Variants in XXYLT1 observed in about 807,000 individuals in gnomAD.
The protein encoded by XXYLT1 is xyloside xylosyltransferase 1, also known as UDP-xylose:alpha-xyloside alpha-1,3-xylosyltransferase.
In XXYLT1, 20 loss-of-function variants were observed where a neutral mutation model predicts 28.9. The ratio of observed to expected loss-of-function variants is 0.69; its 90% confidence interval spans 0.49 to 1.00. The LOEUF (loss-of-function observed/expected upper bound fraction) is 1.00. Among genes scored for constraint, XXYLT1 ranks in the 50% least tolerant of loss-of-function variants. The pLI, the probability that XXYLT1 is intolerant of heterozygous loss-of-function variation, is 0.00. For missense variants in XXYLT1, 542 were observed against 560.1 expected, an observed-to-expected ratio of 0.97 and a Z score of 0.33; for synonymous variants, 257 against 253.8, an observed-to-expected ratio of 1.01 and a Z score of -0.12.
rs1725451557 is a variant in XXYLT1 at position 195,255,669 on chromosome 3, G to A, written c.504+14886C>T. 6.6e-6 allele frequency among the ~76,000 whole-genome samples: 1 copy of A among 152,190 alleles called. No individual in the cohort carries two copies. The highest frequency in any genetic ancestry group is 1.5e-5 in the Non-Finnish European group (1 of 68,042). On this transcript the variant is annotated intron_variant, in intron 1 of 3. Coordinates refer to ENST00000310380, the MANE Select transcript of XXYLT1 (RefSeq NM_152531.5). This position sits in a 1 kb window ranked among gnomAD's most constrained non-coding sequence, Gnocchi z 4.5. Reference sequence around the variant, plus strand: ...TTCCGAACACAAGGGAAGGCAGGCAGGGAGACCATGAGTGCAGGGAACCAG... The same window carrying A: ...TTCCGAACACAAGGGAAGGCAGGCAAGGAGACCATGAGTGCAGGGAACCAG...
In XXYLT1 at chr3:195,176,892, T is replaced by C. The variant is rs1360549314; in HGVS notation, c.653-20311A>G. On this transcript the variant is annotated intron_variant, in intron 2 of 3. Coordinates refer to ENST00000310380, the MANE Select transcript of XXYLT1 (RefSeq NM_152531.5). The surrounding 1 kb of genome is among the most constrained non-coding windows in gnomAD (Gnocchi z 4.9). ...GAGAGGTAGGACAAGGCCGACTCCT[T>C]GGAACCAGCAAGAAACTCTCAAGCC... Among the ~76,000 whole-genome samples, 2 of 152,182 alleles carry C rather than the reference T, an allele frequency of 1.3e-5. No homozygotes were observed. The highest frequency in any genetic ancestry group is 2.4e-5 in the African/African-American group (1 of 41,440).
intron 3 of XXYLT1, among the ~76,000 whole-genome samples, chr3:195,101,042 T>C (rs951470165): frequency 1.3e-5 from 2 of 152,420 alleles, no homozygotes; most frequent in East Asian, 3.8e-4. Flanking sequence ...CCAAGGCCTC[T>C]GCCAGTCTCT....
intron 1 of XXYLT1, among the ~76,000 whole-genome samples, chr3:195,243,890 AG>A (rs1459667972): frequency 2.0e-5 from 3 of 152,224 alleles, no homozygotes; most frequent in Admixed American, 6.5e-5. Context: ...TTTGTCAGGC[AG>A]CACCACAAAC....
In XXYLT1 at chr3:195,069,778, G is replaced by A; in HGVS notation, c.1119C>T (p.Phe373=). 1 of 1,614,100 alleles carries A rather than the reference G, an allele frequency of 6.2e-7. No homozygotes were observed. Among genetic ancestry groups the A allele is most frequent in the Non-Finnish European group, 8.5e-7 (1 of 1,180,032 alleles). ...AGATCTTGACGTGGCCCTCACACCT[G>A]AAATAGGCCTCGAAGACGTCACTGT... ...HGYSDVFEAY[F]RCEGHVKIYH... is the part of the protein sequence containing the mutation. The change falls in exon 4 of 4, where the codon TTC becomes TTT. Residue 373 remains phenylalanine, a synonymous_variant. Coordinates refer to ENST00000310380, the MANE Select transcript of XXYLT1 (RefSeq NM_152531.5).
chr3:195,084,666 G>A (rs1020932081), intron 3 of XXYLT1, among the ~76,000 whole-genome samples: 1 of 152,182 alleles, frequency 6.6e-6, no homozygotes, highest in African/African-American at 2.4e-5. Context: ...CTGTATTTTA[G>A]TGAGTTAAAC....
intron 3 of XXYLT1, among the ~76,000 whole-genome samples, chr3:195,070,413 G>A (rs932664147): frequency 6.6e-6 from 1 of 151,880 alleles, no homozygotes; most frequent in Non-Finnish European, 1.5e-5. Context: ...ACAACCCCAG[G>A]GGATGGGTGC....
intron 3 of XXYLT1, among the ~76,000 whole-genome samples, chr3:195,144,713 CA>C (rs1719740665): frequency 6.6e-6 from 1 of 152,110 alleles, no homozygotes; most frequent in South Asian, 2.1e-4. Context: ...TCCCCTGCAC[CA>C]AAAGGGCCTC....
At chr3:195,247,334 G>A (rs80355406) in intron 1 of XXYLT1, among the ~76,000 whole-genome samples, 4,309 of 152,276 alleles carry the variant, frequency 0.028, 224 homozygotes, top group African/African-American at 0.097. Flanking sequence ...CAGATTCCTC[G>A]ATTTGTCCTT....
In XXYLT1 at chr3:195,181,292, G is replaced by T. The variant is rs191819534; in HGVS notation, c.653-24711C>A. Among the ~76,000 whole-genome samples the T allele has an allele frequency of 2.1e-3, 324 of 151,670 alleles. 1 individual carries two copies. The highest frequency in any genetic ancestry group is 4.4e-3 in the South Asian group (21 of 4,810). ...GTGGCTGCGTGGCTGCGTGGCTGCG[G>T]GGCTGCGGGGCTGCGGAGCATGTTT... On this transcript the variant is annotated intron_variant, in intron 2 of 3. Transcript: ENST00000310380.
At chr3:195,201,009 C>T (rs139212510) in intron 2 of XXYLT1, among the ~76,000 whole-genome samples, 145 of 152,230 alleles carry the variant, frequency 9.5e-4, no homozygotes, top group African/African-American at 3.2e-3. Context: ...CCCAGACCTA[C>T]GGAGTCAAAA....
At chr3:195,143,843 G>GATATATATATCT (rs1719661693) in intron 3 of XXYLT1, among the ~76,000 whole-genome samples, 1 of 89,408 alleles carries the variant, frequency 1.1e-5, no homozygotes, top group African/African-American at 4.5e-5. Flanking sequence ...TATAGATATA[G>GATATATATATCT]ATATATATAT....
chr3:195,243,050 G>T (rs6791397), intron 1 of XXYLT1, among the ~76,000 whole-genome samples: 8,155 of 152,156 alleles, frequency 0.054, 754 homozygotes, highest in African/African-American at 0.18. Context: ...ATGAGTTCAC[G>T]TCCTTTGTAG....
chr3:195,238,073 C>T (rs906850572), intron 1 of XXYLT1, among the ~76,000 whole-genome samples: 5 of 152,152 alleles, frequency 3.3e-5, no homozygotes, highest in South Asian at 2.1e-4. Flanking sequence ...GACGACTCGT[C>T]GCTCCCTTAG....
rs181655328 is a variant in XXYLT1, at chr3:195,251,204, C to T, written c.504+19351G>A. ...CCACCTCCACCCCACCTGCTGGCTCCCCAAGGCTCAAGCCTAGCAGACCAT... is the reference window on the plus strand; with the variant it reads ...CCACCTCCACCCCACCTGCTGGCTCTCCAAGGCTCAAGCCTAGCAGACCAT... On this transcript the variant is annotated intron_variant, in intron 1 of 3. Transcript: ENST00000310380. Among the ~76,000 whole-genome samples, 51 of 152,350 alleles carry T rather than the reference C, an allele frequency of 3.3e-4. 1 individual carries two copies. The highest frequency in any genetic ancestry group is 1.0e-3 in the African/African-American group (42 of 41,594).
In XXYLT1 at chr3:195,236,511, G is replaced by A. The variant is rs1394332070; in HGVS notation, c.505-9655C>T. Among the ~76,000 whole-genome samples, 3 of 151,504 alleles carry A rather than the reference G, an allele frequency of 2.0e-5. No homozygotes were observed. In the South Asian group the frequency reaches 6.3e-4, roughly 32 times the overall value. The stretch of plus-strand genomic sequence containing the variant: ...AGGGCAGTGAGCTCCCCTCTGGCCT[G>A]GGGTAGGTCCAGAAATGCTATCCCA... On this transcript the variant is annotated intron_variant, in intron 1 of 3. Coordinates refer to ENST00000310380, the MANE Select transcript of XXYLT1 (RefSeq NM_152531.5).
chr3:195,102,180 G>C (rs1716828405), intron 3 of XXYLT1, among the ~76,000 whole-genome samples: 1 of 152,164 alleles, frequency 6.6e-6, no homozygotes, highest in African/African-American at 2.4e-5. Context: ...TTCTATGTAA[G>C]ATATACAACA....
intron 2 of XXYLT1, among the ~76,000 whole-genome samples, chr3:195,179,155 T>C (rs568422400): frequency 6.6e-6 from 1 of 151,682 alleles, no homozygotes; most frequent in Non-Finnish European, 1.5e-5. Flanking sequence ...TCTTGGGCAA[T>C]ATGGTGAAAC....
rs1726006148 is a variant in XXYLT1, at chr3:195,270,934, C to T, written c.125G>A (p.Gly42Asp). 6.7e-7 allele frequency: 1 copy of T among 1,488,756 alleles called. No individual in the cohort carries two copies. Among genetic ancestry groups the T allele is most frequent in the Admixed American group, 2.3e-5 (1 of 42,732 alleles). 92.2% of individuals were successfully genotyped at this position (1,488,756 alleles called of 1,614,324 possible). A position where few individuals can be genotyped will look rare whatever the true frequency, so the allele number is the denominator to read the frequency against. Residue 42 changes from glycine (G) to aspartate (D), a missense_variant, in exon 1 of 4, where the codon GGC (glycine) becomes GAC (aspartate). Coordinates refer to ENST00000310380, the MANE Select transcript of XXYLT1 (RefSeq NM_152531.5). ...GCTGGAGAAGGTCTCCCGGCCTGAG[C>T]CGAGGTAGTAGAAGGCGCAGACGGC... ...ALAVCAFYYLGSGRETFSSAT... is the reference protein window; with the variant it reads ...ALAVCAFYYLDSGRETFSSAT...
At position 195,256,476 on chromosome 3, in the gene XXYLT1, C is replaced by A; in HGVS notation, c.504+14079G>T. ...AAACGAACCAGTACCTCCCAGAGGA[C>A]GGAAGGGAAGTCAGCACGGAAGCCT... On this transcript the variant is annotated intron_variant, in intron 1 of 3. Coordinates refer to ENST00000310380, the MANE Select transcript of XXYLT1 (RefSeq NM_152531.5). The surrounding 1 kb of genome is among the most constrained non-coding windows in gnomAD (Gnocchi z 4.2). The A allele has an allele frequency of 1.0e-6, 1 of 985,254 alleles. No homozygotes were observed. Among genetic ancestry groups the A allele is most frequent in the Non-Finnish European group, 1.2e-6 (1 of 829,860 alleles). The allele number at this position is 985,254 out of a possible 1,614,324, so 61.0% of individuals were successfully genotyped here.
Sources: allele counts gnomAD v4.1 joint callset (sites outside exome capture counted in the v4.1 genomes callset), GRCh38; gene constraint gnomAD v4.1.1; non-coding constraint Gnocchi (gnomAD v3.1); transcripts MANE v1.5; gene names NCBI Gene and HGNC (gene_info 2026-07-23, HGNC 2026-07-21).